Variants in RANBP17 observed in about 807,000 individuals in gnomAD.
RANBP17 encodes the protein RAN binding protein 17.
A neutral mutation model predicts 141.2 loss-of-function variants in RANBP17; 158 were observed. The observed-to-expected ratio is 1.12, with a 90% CI of 0.98 to 1.28. The LOEUF (loss-of-function observed/expected upper bound fraction) is 1.28, where lower values mean the gene tolerates loss of function less well. Ranked by LOEUF, RANBP17 falls within the 50% of genes most tolerant of loss-of-function variation. RANBP17 has a pLI of 0.00. For synonymous variants in RANBP17, 430 were observed against 450.0 expected (o/e 0.96, Z 0.56); for missense variants, 1,438 against 1,290.7 (o/e 1.11, Z -1.75).
chr5:170,878,075 G>A (rs759750793), intron 1 of RANBP17, 22 bp from the exon 2 acceptor site: 1 of 1,524,934 alleles, frequency 6.6e-7, no homozygotes, highest in South Asian at 1.3e-5. Flanking sequence ...GAAGTAAAAT[G>A]TTAATTTTTT....
chr5:171,010,785 C>T (rs141184412), intron 14 of RANBP17, among the ~76,000 whole-genome samples: 1 of 151,914 alleles, frequency 6.6e-6, no homozygotes, highest in African/African-American at 2.4e-5. Flanking sequence ...AAGTTTATAC[C>T]AGTAAATTTG....
chr5:171,069,822 C>A (rs1008513907), intron 14 of RANBP17, among the ~76,000 whole-genome samples: 1 of 152,014 alleles, frequency 6.6e-6, no homozygotes, highest in Non-Finnish European at 1.5e-5. Context: ...TCTGTAAAGA[C>A]AAAGTACTTT....
At chr5:170,977,142 A>G (rs1380100997) in intron 14 of RANBP17, among the ~76,000 whole-genome samples, 1 of 152,090 alleles carries the variant, frequency 6.6e-6, no homozygotes, top group Non-Finnish European at 1.5e-5. Context: ...TTATAACTCA[A>G]TAATAAAAAG....
intron 14 of RANBP17, among the ~76,000 whole-genome samples, chr5:171,105,313 C>T (rs888848703): frequency 7.8e-5 from 10 of 127,652 alleles, no homozygotes; most frequent in African/African-American, 1.5e-4. Flanking sequence ...ACCCGGGAGG[C>T]GGAGCTTGCA....
At chr5:171,167,826 T>A (rs1203635783) in intron 14 of RANBP17, among the ~76,000 whole-genome samples, 1 of 152,172 alleles carries the variant, frequency 6.6e-6, no homozygotes, top group Non-Finnish European at 1.5e-5. Flanking sequence ...AAAATAAAAT[T>A]AAAGACAATT....
Position 171,271,075 on chromosome 5 carries a change from C to CCTTTTTTTTTTTTTT in RANBP17, c.2943+5228_2943+5229insCTTTTTTTTTTTTTT, listed in dbSNP as rs1767076411. On this transcript the variant is annotated intron_variant, in intron 25 of 27. Coordinates refer to ENST00000523189, the MANE Select transcript of RANBP17 (RefSeq NM_022897.5). ...TTTCTCCCTCCTTTTTATGTTATTT[C>CCTTTTTTTTTTTTTT]TTTTTTTTTTTTTTTTTTTTTTTTT... 42 of 27,542 alleles carry CCTTTTTTTTTTTTTT rather than the reference C, an allele frequency of 1.5e-3. 4 individuals are homozygous for CCTTTTTTTTTTTTTT. Among genetic ancestry groups the CCTTTTTTTTTTTTTT allele is most frequent in the African/African-American group, 3.0e-3 (18 of 5,916 alleles). The allele number at this position is 27,542 out of a possible 1,614,324, so 1.7% of individuals were successfully genotyped here.
chr5:170,981,961 A>G (rs567729410), intron 14 of RANBP17, among the ~76,000 whole-genome samples: 1 of 152,326 alleles, frequency 6.6e-6, no homozygotes, highest in Admixed American at 6.5e-5. Flanking sequence ...AGGATTAATT[A>G]TATTCCCAGA....
chr5:170,992,762 G>A (rs1778590739), intron 14 of RANBP17, among the ~76,000 whole-genome samples: 1 of 151,966 alleles, frequency 6.6e-6, no homozygotes, highest in Admixed American at 6.6e-5. Context: ...AGATTTTTAT[G>A]TATATCAAAG....
chr5:171,000,809 GA>G (rs1779150785), intron 14 of RANBP17, among the ~76,000 whole-genome samples: 1 of 152,130 alleles, frequency 6.6e-6, no homozygotes, highest in Non-Finnish European at 1.5e-5. Flanking sequence ...GAATTACAAA[GA>G]ACCTTCTTAA....
At chr5:170,923,153 C>G (rs955114630) in intron 11 of RANBP17, among the ~76,000 whole-genome samples, 3 of 152,024 alleles carry the variant, frequency 2.0e-5, no homozygotes, top group Non-Finnish European at 4.4e-5. Context: ...ACATTTTAGT[C>G]TGTGATCTCT....
At chr5:171,195,360 C>G (rs1315058758) in intron 18 of RANBP17, among the ~76,000 whole-genome samples, 1 of 152,172 alleles carries the variant, frequency 6.6e-6, no homozygotes, top group Non-Finnish European at 1.5e-5. Flanking sequence ...TATGGTAATA[C>G]AGATTAGAAA....
intron 14 of RANBP17, among the ~76,000 whole-genome samples, chr5:171,059,021 T>C (rs1581519118): frequency 2.6e-5 from 4 of 151,766 alleles, no homozygotes; most frequent in Admixed American, 2.6e-4. Context: ...TTTTTTTTTT[T>C]CTTGTAAATT....
intron 7 of RANBP17, among the ~76,000 whole-genome samples, chr5:170,912,840 T>C (rs535673243): frequency 6.6e-5 from 10 of 152,086 alleles, no homozygotes; most frequent in Non-Finnish European, 1.2e-4. Flanking sequence ...AGGGTATGCA[T>C]TTTTGGATTG....
intron 24 of RANBP17, chr5:171,252,877 A>G (rs1561802828): frequency 1.4e-6 from 2 of 1,389,798 alleles, no homozygotes; most frequent in Non-Finnish European, 2.0e-6. Flanking sequence ...TGATGACGAC[A>G]TTGTAGAAAA....
At chr5:171,280,386 T>C (rs559680220) in intron 25 of RANBP17, among the ~76,000 whole-genome samples, 2 of 152,304 alleles carry the variant, frequency 1.3e-5, no homozygotes, top group Admixed American at 6.5e-5. Context: ...CAAACGATCC[T>C]CTCACCTCAG....
chr5:171,152,234 GA>G (rs1758536563), intron 14 of RANBP17, among the ~76,000 whole-genome samples: 1 of 150,878 alleles, frequency 6.6e-6, no homozygotes, highest in Admixed American at 6.6e-5. Flanking sequence ...CCAACATGGT[GA>G]AACTTCATCT....
chr5:171,216,743 T>C (rs1273866641), intron 21 of RANBP17, among the ~76,000 whole-genome samples: 3 of 152,200 alleles, frequency 2.0e-5, no homozygotes. Flanking sequence ...ATGCTTGTGA[T>C]TTTTGCACAT....
At chr5:171,121,886 T>A (rs1189823541) in intron 14 of RANBP17, among the ~76,000 whole-genome samples, 2 of 152,172 alleles carry the variant, frequency 1.3e-5, no homozygotes, top group African/African-American at 4.8e-5. Context: ...AAGATGGCAC[T>A]GTGCTACAGC....
chr5:171,075,135 A>G (rs1160873806), intron 14 of RANBP17, among the ~76,000 whole-genome samples: 3 of 152,350 alleles, frequency 2.0e-5, no homozygotes, highest in South Asian at 2.1e-4. Flanking sequence ...TTGGGCATAA[A>G]TGTTAATAAC....
Sources: allele counts gnomAD v4.1 joint callset (sites outside exome capture counted in the v4.1 genomes callset), GRCh38; gene constraint gnomAD v4.1.1; transcripts MANE v1.5; gene names NCBI Gene and HGNC (gene_info 2026-07-23, HGNC 2026-07-21).